The following KNDC1 variants were observed in gnomAD, a reference collection of about 807,000 sequenced individuals.
The protein encoded by KNDC1 is kinase non-catalytic C-lobe domain containing 1.
KNDC1 carries 106 observed loss-of-function variants against 172.8 expected under a neutral mutation model. The ratio of observed to expected loss-of-function variants is 0.61; its 90% CI spans 0.52 to 0.72. The LOEUF (loss-of-function observed/expected upper bound fraction) is 0.72, where lower values mean the gene tolerates loss of function less well. KNDC1 is among the 30% of genes least tolerant of loss of function. The pLI is 0.00. For missense variants in KNDC1, 2,325 were observed against 2,394.5 expected (o/e 0.97, Z 0.61); for synonymous variants, 1,083 against 1,062.2 (o/e 1.02, Z -0.38).
Position 133,198,378 on chromosome 10 carries a change from C to A in KNDC1, c.1948C>A (p.Pro650Thr). The A allele has an allele frequency of 6.3e-7, 1 of 1,596,822 alleles. No homozygotes were observed. Among genetic ancestry groups the A allele is most frequent in the Non-Finnish European group, 8.5e-7 (1 of 1,173,144 alleles). Residue 650 changes from proline (P) to threonine (T), a missense_variant, in exon 13 of 30, where the codon CCA (proline) becomes ACA (threonine). By Grantham distance (38) the Pro-to-Thr change is conservative (BLOSUM62 -1). Coordinates refer to ENST00000304613, the MANE Select transcript of KNDC1 (RefSeq NM_152643.8). ...CAGCGACACCGGGCTTGTGGCTGTG[C>A]CAGGGCCCGTGCCCGGCCAGCACCC... ...VNSDTGLVAV[P>T]GPVPGQHPCG... is the part of the protein sequence containing the mutation.
intron 3 of KNDC1, among the ~76,000 whole-genome samples, chr10:133,168,520 G>T (rs1454126213): frequency 6.6e-6 from 1 of 151,918 alleles, no homozygotes; most frequent in Non-Finnish European, 1.5e-5. Flanking sequence ...TCTGTGGGCA[G>T]CTCGGACTGT....
intron 5 of KNDC1, 126 bp downstream of exon 5, chr10:133,184,115 C>G: frequency 1.9e-6 from 1 of 532,622 alleles, no homozygotes; most frequent in African/African-American, 1.9e-5. Context: ...CCATACTGCA[C>G]ACACACCCAT....
At chr10:133,191,136 C>T (rs540877133) in intron 9 of KNDC1, among the ~76,000 whole-genome samples, 28 of 150,818 alleles carry the variant, frequency 1.9e-4, no homozygotes, top group African/African-American at 6.1e-4. Flanking sequence ...TCCAGGAGTT[C>T]GAGACCAGCC....
At chr10:133,167,167 C>A (rs530989012) in intron 1 of KNDC1, 2 of 590,516 alleles carry the variant, frequency 3.4e-6, no homozygotes, top group African/African-American at 1.9e-5. Flanking sequence ...GGCAGCACGC[C>A]GACGGTGCCA....
chr10:133,187,177 C>T (rs1190833856), intron 6 of KNDC1, among the ~76,000 whole-genome samples: 22 of 152,216 alleles, frequency 1.4e-4, no homozygotes, highest in Non-Finnish European at 1.5e-5. Flanking sequence ...TCCGCTGCCT[C>T]CGCGGGGACG....
At chr10:133,180,639 A>G (rs1434708947) in intron 3 of KNDC1, among the ~76,000 whole-genome samples, 1 of 152,258 alleles carries the variant, frequency 6.6e-6, no homozygotes, top group Non-Finnish European at 1.5e-5. Context: ...GATTCCACAC[A>G]TGGGCACTTA....
intron 1 of KNDC1, among the ~76,000 whole-genome samples, chr10:133,165,800 G>T (rs191681541): frequency 6.6e-6 from 1 of 152,024 alleles, no homozygotes; most frequent in Non-Finnish European, 1.5e-5. Flanking sequence ...AGTCCTGGGC[G>T]GTGCTAAGAG....
chr10:133,160,988 G>T (rs188015678), intron 1 of KNDC1, among the ~76,000 whole-genome samples: 1 of 151,996 alleles, frequency 6.6e-6, no homozygotes, highest in Non-Finnish European at 1.5e-5. Flanking sequence ...GGAGCGGGGG[G>T]TGGGGGGAGC....
At chr10:133,221,081 A>T (rs927003725) in intron 29 of KNDC1, among the ~76,000 whole-genome samples, 1 of 151,580 alleles carries the variant, frequency 6.6e-6, no homozygotes, top group Non-Finnish European at 1.5e-5. Context: ...GTCTCTAGGG[A>T]CCCCTGTGTT....
At chr10:133,211,886 C>A (rs1845375086) in intron 23 of KNDC1, 28 bp downstream of exon 23, 1 of 1,586,066 alleles carries the variant, frequency 6.3e-7, no homozygotes, top group Non-Finnish European at 8.5e-7. Context: ...GGGAGGTCCT[C>A]CCTGGACAGG....
At chr10:133,172,403 A>G (rs1269097069) in intron 3 of KNDC1, among the ~76,000 whole-genome samples, 1 of 152,178 alleles carries the variant, frequency 6.6e-6, no homozygotes, top group Non-Finnish European at 1.5e-5. Flanking sequence ...CCTTTCTTAC[A>G]TAGAAAAACC....
At chr10:133,198,121 T>G (rs1854245615) in intron 12 of KNDC1, among the ~76,000 whole-genome samples, 1 of 152,160 alleles carries the variant, frequency 6.6e-6, no homozygotes, top group South Asian at 2.1e-4. Context: ...GGCCTGGTCT[T>G]GCTGGCCCGT....
At chr10:133,165,317 C>T (rs1296283803) in intron 1 of KNDC1, among the ~76,000 whole-genome samples, 7 of 152,360 alleles carry the variant, frequency 4.6e-5, no homozygotes, top group African/African-American at 1.7e-4. Flanking sequence ...GGCATCTCCC[C>T]TCCAGGTCTG....
intron 7 of KNDC1, 142 bp downstream of exon 7, chr10:133,188,795 A>G: frequency 1.9e-6 from 1 of 540,092 alleles, no homozygotes; most frequent in East Asian, 3.3e-5. Flanking sequence ...CTGCCGTCCC[A>G]TGCGTAACTG....
intron 29 of KNDC1, among the ~76,000 whole-genome samples, chr10:133,222,260 G>A (rs561455178): frequency 3.5e-5 from 5 of 144,326 alleles, no homozygotes; most frequent in African/African-American, 5.0e-5. Flanking sequence ...TCCAGCCTGG[G>A]CGATAGAGCG....
rs3810965 is a variant in KNDC1 at position 133,186,644 on chromosome 10, T to C, written c.1296T>C (p.Ala432=). ...ACGATGAGAGAATTCCAGAAGGAGC[T>C]AGGCAGCTGGAAAGTGCAGCCGCGG... ...PRDDERIPEG[A]RQLESAAAEQ... Residue 432 remains alanine (A), a synonymous_variant, in exon 6 of 30, where the codon GCT becomes GCC. Coordinates refer to ENST00000304613, the MANE Select transcript of KNDC1 (RefSeq NM_152643.8). 749,994 of 1,592,158 alleles carry C rather than the reference T, an allele frequency of 0.47. 183,371 individuals carry two copies. Among genetic ancestry groups the C allele is most frequent in the South Asian group, 0.64 (57,392 of 90,288 alleles).
At position 133,198,560 on chromosome 10, in the gene KNDC1, G is replaced by A. The variant is rs1199809342; in HGVS notation, c.2070-18G>A. ...CCCGGGCGCAGGCAGCCCCTCCTGAGCTCTGCTCCTCCCGTAGGGACCAGC... is the reference window on the plus strand; with the variant it reads ...CCCGGGCGCAGGCAGCCCCTCCTGAACTCTGCTCCTCCCGTAGGGACCAGC... On this transcript the variant is annotated intron_variant, in intron 13 of 29. Transcript: ENST00000304613. 1.3e-6 allele frequency: 2 copies of A among 1,580,740 alleles called. No individual in the cohort carries two copies. Among genetic ancestry groups the A allele is most frequent in the Non-Finnish European group, 8.6e-7 (1 of 1,160,570 alleles).
At chr10:133,212,057 C>T (rs530467175) in intron 23 of KNDC1, among the ~76,000 whole-genome samples, 199 bp downstream of exon 23, 2 of 152,320 alleles carry the variant, frequency 1.3e-5, no homozygotes, top group East Asian at 3.9e-4. Flanking sequence ...CACATCCACA[C>T]GTGCACATAT....
At chr10:133,195,203 G>C (rs1422618890) in intron 9 of KNDC1, among the ~76,000 whole-genome samples, 1 of 152,230 alleles carries the variant, frequency 6.6e-6, no homozygotes, top group Non-Finnish European at 1.5e-5. Flanking sequence ...GATGAACTCA[G>C]TTTGCACACA....
Sources: allele counts gnomAD v4.1 joint callset (sites outside exome capture counted in the v4.1 genomes callset), GRCh38; gene constraint gnomAD v4.1.1; transcripts MANE v1.5; gene names NCBI Gene and HGNC (gene_info 2026-07-23, HGNC 2026-07-21).